L3MBTL1: variants seen among roughly 807,000 people sequenced by gnomAD.
The protein encoded by L3MBTL1 is L3MBTL histone methyl-lysine binding protein 1, also known as lethal(3)malignant brain tumor-like protein 1.
Under a neutral mutation model 105.3 loss-of-function variants are expected in L3MBTL1, and 75 were observed. The ratio of observed to expected loss-of-function variants is 0.71; its 90% confidence interval spans 0.59 to 0.86. The LOEUF (loss-of-function observed/expected upper bound fraction) is 0.86, where lower values mean the gene tolerates loss of function less well. Ranked by LOEUF, L3MBTL1 falls within the 40% of genes least tolerant of loss-of-function variation. L3MBTL1 has a pLI of 0.00. For synonymous variants in L3MBTL1, 452 were observed against 436.2 expected (o/e 1.04, Z -0.45); for missense variants, 1,069 against 1,126.4 (o/e 0.95, Z 0.73).
Position 43,515,392 on chromosome 20 carries a change from G to A in L3MBTL1, c.754G>A (p.Glu252Lys). ...KRREYQSPSE[E>K]ESEPEAMEKQ... ...CAGGGAATACCAGAGCCCATCAGAG[G>A]AGGAGTCGGAGCCAGAGGCCATGGT... Residue 252 changes from glutamate (E) to lysine (K), a missense_variant, in exon 6 of 22, where the codon GAG becomes AAG. By Grantham distance (56) the Glu-to-Lys change is moderately conservative. Coordinates refer to ENST00000418998, the MANE Select transcript of L3MBTL1 (RefSeq NM_001377303.1). The A allele has an allele frequency of 1.3e-6, 2 of 1,558,128 alleles. No individual in the cohort carries two copies. The highest frequency in any genetic ancestry group is 2.7e-5 in the African/African-American group (2 of 73,780).
chr20:43,534,463 A>T, intron 15 of L3MBTL1, 69 bp downstream of exon 15: 2 of 1,224,370 alleles, frequency 1.6e-6, no homozygotes, highest in Non-Finnish European at 2.4e-6. Flanking sequence ...GACTGTTTAG[A>T]GGTCAGGGGC....
intron 13 of L3MBTL1, 147 bp from the exon 14 acceptor site, chr20:43,533,861 C>T (rs3752557): frequency 0.014 from 9,421 of 673,070 alleles, 547 homozygotes; most frequent in South Asian, 0.11. Flanking sequence ...CCTGAGGAGC[C>T]CAGTGCAAGG....
At position 43,541,158 on chromosome 20, in the gene L3MBTL1, T is replaced by C. The variant is rs763288807; in HGVS notation, c.*30T>C. The C allele has an allele frequency of 3.2e-5, 51 of 1,598,918 alleles. 1 individual carries two copies. Among genetic ancestry groups the C allele is most frequent in the South Asian group, 1.0e-4 (9 of 90,118 alleles). ...TACTTTTTTCCCCTTTAATCCAATA[T>C]AGTTGATAATTAAAGTGTATTTTGA... On this transcript the variant is annotated 3_prime_UTR_variant, in exon 22 of 22. Coordinates refer to ENST00000418998, the MANE Select transcript of L3MBTL1 (RefSeq NM_001377303.1).
At chr20:43,547,685 G>A (rs11086881) in intron 18 of L3MBTL1, among the ~76,000 whole-genome samples, 90,744 of 151,970 alleles carry the variant, frequency 0.6, 27,407 homozygotes, top group Non-Finnish European at 0.64. Context: ...TGCACACAGT[G>A]TCTGCTTGTC....
intron 3 of L3MBTL1, 43 bp downstream of exon 3, chr20:43,514,104 C>G (rs746346702): frequency 6.7e-7 from 1 of 1,486,142 alleles, no homozygotes; most frequent in East Asian, 2.5e-5. Flanking sequence ...AAACCGCAGC[C>G]ATGGGGCGGG....
chr20:43,527,476 C>G (rs892585737), intron 7 of L3MBTL1, among the ~76,000 whole-genome samples: 1 of 152,162 alleles, frequency 6.6e-6, no homozygotes, highest in African/African-American at 2.4e-5. Flanking sequence ...GAGTATTCAT[C>G]TCCCTCCCCA....
At chr20:43,525,235 G>A (rs1457716776) in intron 7 of L3MBTL1, among the ~76,000 whole-genome samples, 16 of 152,184 alleles carry the variant, frequency 1.1e-4, no homozygotes, top group Non-Finnish European at 7.3e-5. Flanking sequence ...GGCTTTGGCA[G>A]AGAAGTTACA....
intron 4 of L3MBTL1, 60 bp from the exon 5 acceptor site, chr20:43,514,949 G>A: frequency 6.3e-7 from 1 of 1,582,296 alleles, no homozygotes; most frequent in Admixed American, 1.7e-5. Flanking sequence ...GGGGGCGTGG[G>A]CGGAGCCTGA....
intron 17 of L3MBTL1, 35 bp downstream of exon 17, chr20:43,535,971 T>C (rs1029631663): frequency 1.3e-6 from 2 of 1,597,288 alleles, no homozygotes; most frequent in Non-Finnish European, 1.7e-6. Context: ...ACCCTCAGCG[T>C]TGTTTTGCAC....
Position 43,528,755 on chromosome 20 carries a change from A to G in L3MBTL1, c.951+10A>G. The G allele has an allele frequency of 1.2e-6, 2 of 1,605,358 alleles. No homozygotes were observed. ...CAGCCTCTTCCAGGACGTGAGTTGGACAATTTCCCCGTAGGAACAGCTTGT... is the reference window on the plus strand; with the variant it reads ...CAGCCTCTTCCAGGACGTGAGTTGGGCAATTTCCCCGTAGGAACAGCTTGT... On this transcript the variant is annotated intron_variant, in intron 8 of 21. Transcript: ENST00000418998.
intron 7 of L3MBTL1, 33 bp from the exon 8 acceptor site, chr20:43,528,624 C>T (rs1316368461): frequency 6.5e-7 from 1 of 1,548,382 alleles, no homozygotes; most frequent in African/African-American, 1.4e-5. Flanking sequence ...CAGGAACAGC[C>T]CAGGAGTTAG....
chr20:43,540,201 G>T lies in L3MBTL1; in HGVS notation c.2224G>T (p.Ala742Ser). The T allele has an allele frequency of 6.2e-7, 1 of 1,613,470 alleles. No homozygotes were observed. ...HQSLFMSALS[A>S]HPDRSLSVCW... ...GTCCCTCTTCATGTCAGCCCTGTCG[G>T]CCCACCCTGACCGCTCACTCTCAGT... Residue 742 changes from alanine to serine, a missense_variant, in exon 20 of 22, where the codon GCC (alanine) becomes TCC (serine). Transcript: ENST00000418998.
At chr20:43,530,465 A>T (rs1217490217) in intron 10 of L3MBTL1, 46 bp downstream of exon 10, 1 of 1,585,060 alleles carries the variant, frequency 6.3e-7, no homozygotes, top group Non-Finnish European at 8.6e-7. Context: ...GAGTCCTCAG[A>T]CCCTTCGCTT....
intron 11 of L3MBTL1, chr20:43,532,558 G>T: frequency 1.9e-6 from 1 of 525,800 alleles, no homozygotes; most frequent in Non-Finnish European, 3.4e-6. Context: ...CCAGGCCTCT[G>T]AGTGCACCTT....
At chr20:43,534,640 T>C (rs967124938) in intron 15 of L3MBTL1, 188 bp from the exon 16 acceptor site, 2 of 608,408 alleles carry the variant, frequency 3.3e-6, no homozygotes, top group African/African-American at 3.7e-5. Flanking sequence ...CAGTGGGAGA[T>C]GCCAGTAACT....
At position 43,528,576 on chromosome 20, in the gene L3MBTL1, T is replaced by C. The variant is rs1344946598; in HGVS notation, c.863-81T>C. ...CAAAGATTTGTTTTGGGGGTGAAGG[T>C]AGAGCTTGGTCAGGGGAAGCCGAAG... On this transcript the variant is annotated intron_variant, in intron 7 of 21. Transcript: ENST00000418998. 1.9e-5 allele frequency: 19 copies of C among 991,864 alleles called. No individual in the cohort carries two copies. The East Asian group carries it at 4.6e-4, about 24-fold the overall frequency. The allele number at this position is 991,864 out of a possible 1,614,324, so 61.4% of individuals were successfully genotyped here.
At position 43,522,456 on chromosome 20, in the gene L3MBTL1, A is replaced by ATTTTTTTTT. The variant is rs778355165; in HGVS notation, c.863-6201_863-6200insTTTTTTTTT. Among the ~76,000 whole-genome samples, 140 of 89,942 alleles carry ATTTTTTTTT rather than the reference A, an allele frequency of 1.6e-3. 2 individuals are homozygous for ATTTTTTTTT. Among genetic ancestry groups the ATTTTTTTTT allele is most frequent in the Non-Finnish European group, 2.2e-3 (97 of 43,198 alleles). 59.0% of individuals were successfully genotyped at this position (89,942 alleles called of 152,430 possible). ...ATGGTAACTGAATTTTTCCCTGCTA[A>ATTTTTTTTT]GTTTTTTTTTTTTTTTTTTTTTTTT... On this transcript the variant is annotated intron_variant, in intron 7 of 21. Coordinates refer to ENST00000418998, the MANE Select transcript of L3MBTL1 (RefSeq NM_001377303.1).
chr20:43,541,767 T>C lies in L3MBTL1; in HGVS notation c.*639T>C, dbSNP rs1430938478. 3 of 955,318 alleles carry C rather than the reference T, an allele frequency of 3.1e-6. No homozygotes were observed. Among genetic ancestry groups the C allele is most frequent in the Admixed American group, 1.2e-4 (2 of 16,954 alleles). 59.2% of individuals were successfully genotyped at this position (955,318 alleles called of 1,614,324 possible). On this transcript the variant is annotated 3_prime_UTR_variant, in exon 22 of 22. Coordinates refer to ENST00000418998, the MANE Select transcript of L3MBTL1 (RefSeq NM_001377303.1). ...AATCATTGACAGAAATGTCTTTATG[T>C]AGCATATGGCTGTGTATCACTAGTA... is the stretch of plus-strand genomic sequence containing the variant.
At chr20:43,525,077 G>C (rs1381519084) in intron 7 of L3MBTL1, among the ~76,000 whole-genome samples, 1 of 151,566 alleles carries the variant, frequency 6.6e-6, no homozygotes, top group Admixed American at 6.6e-5. Context: ...AGATAACTAG[G>C]AGTTGGAATC....
Sources: gnomAD v4.1 joint callset for allele counts (sites outside exome capture counted in the v4.1 genomes callset) on GRCh38, gnomAD v4.1.1 for gene constraint, MANE v1.5 for transcripts, NCBI Gene and HGNC (gene_info 2026-07-23, HGNC 2026-07-21) for gene names.